The following LMTK2 variants were observed in gnomAD, a reference collection of about 807,000 sequenced individuals.
LMTK2 encodes lemur tail kinase 2.
LMTK2 carries 37 observed loss-of-function variants against 127.5 expected under a neutral mutation model. The ratio of observed to expected loss-of-function variants is 0.29; its 90% CI spans 0.22 to 0.38. LMTK2 has a LOEUF of 0.38. Among genes scored for constraint, LMTK2 ranks in the 10% least tolerant of loss-of-function variants. The pLI is 1.00. For synonymous variants in LMTK2, 819 were observed against 810.1 expected, an observed-to-expected ratio of 1.01 and a Z score of -0.19; for missense variants, 1,694 against 1,920.3, an observed-to-expected ratio of 0.88 and a Z score of 2.20.
chr7:98,159,221 AATT>A (rs145744071), intron 5 of LMTK2, 114 bp from the exon 6 acceptor site: 7,746 of 566,492 alleles, frequency 0.014, 91 homozygotes, highest in Admixed American at 0.019. Context: ...ATATTATATA[AATT>A]ATTATGAAAA....
chr7:98,119,858 A>G (rs1396645433), intron 1 of LMTK2, among the ~76,000 whole-genome samples: 3 of 152,244 alleles, frequency 2.0e-5, no homozygotes, highest in African/African-American at 7.2e-5. Context: ...CTAGGATAAT[A>G]TGTTGTTAGC....
intron 3 of LMTK2, among the ~76,000 whole-genome samples, chr7:98,142,144 T>A (rs1368761605): frequency 6.6e-6 from 1 of 152,212 alleles, no homozygotes; most frequent in Non-Finnish European, 1.5e-5. Context: ...TTAAAAAATA[T>A]TTTAAGCTTT....
At chr7:98,142,346 A>G (rs1796711128) in intron 3 of LMTK2, among the ~76,000 whole-genome samples, 1 of 152,172 alleles carries the variant, frequency 6.6e-6, no homozygotes, top group Admixed American at 6.5e-5. Context: ...GCCAGATGGA[A>G]CGTGACATAG....
At chr7:98,144,639 T>C (rs1212484026) in intron 3 of LMTK2, among the ~76,000 whole-genome samples, 1 of 152,122 alleles carries the variant, frequency 6.6e-6, no homozygotes, top group African/African-American at 2.4e-5. Flanking sequence ...ATTTTTTGTT[T>C]TTTAAAAGAC....
In LMTK2 at chr7:98,134,435, CAG is replaced by C. The variant is rs764783888; in HGVS notation, c.104-2879_104-2878del. On this transcript the variant is annotated intron_variant, in intron 1 of 13. Coordinates refer to ENST00000297293, the MANE Select transcript of LMTK2 (RefSeq NM_014916.4). Reference sequence around the variant, plus strand: ...GTCTTTAAAAACAATCAATAAAAAACAGTGTACGTGAAAGCGCTTTGCTTTCC... The same window carrying C: ...GTCTTTAAAAACAATCAATAAAAAACTGTACGTGAAAGCGCTTTGCTTTCC... 6.3e-4 allele frequency among the ~76,000 whole-genome samples: 96 copies of C among 152,256 alleles called. 1 individual carries two copies. The highest frequency in any genetic ancestry group is 1.2e-3 in the Admixed American group (19 of 15,286).
intron 1 of LMTK2, among the ~76,000 whole-genome samples, chr7:98,121,997 G>A (rs998129845): frequency 3.9e-5 from 6 of 152,172 alleles, no homozygotes; most frequent in East Asian, 1.9e-4. Context: ...TGTCGAGACC[G>A]TGTCTCGGGT....
At chr7:98,202,972 A>G (rs1431800842) in intron 11 of LMTK2, among the ~76,000 whole-genome samples, 2 of 152,166 alleles carry the variant, frequency 1.3e-5, no homozygotes, top group African/African-American at 2.4e-5. Context: ...GACAGAAGGG[A>G]AAAAAACTCA....
At position 98,193,280 on chromosome 7, in the gene LMTK2, C is replaced by T. The variant is rs774111938; in HGVS notation, c.2815C>T (p.Arg939Trp). 126 of 1,613,598 alleles carry T rather than the reference C, an allele frequency of 7.8e-5. No homozygotes were observed. The highest frequency in any genetic ancestry group is 9.3e-5 in the Non-Finnish European group (110 of 1,180,032). Reference protein sequence around the residue: ...PFSEDHHSHRRLEKNLEAVET... With the variant: ...PFSEDHHSHRWLEKNLEAVET... ...TTCGGAAGACCATCACAGTCATCGC[C>T]GGCTAGAGAAAAACTTAGAGGCTGT... The change falls in exon 11 of 14, where the codon CGG becomes TGG. Residue 939 changes from arginine (R) to tryptophan (W), a missense_variant. This residue lies in a region of LMTK2 where 527 missense variants were observed against 539.8 expected (regional missense o/e 0.98). Transcript: ENST00000297293. This position sits in a 1 kb window ranked among gnomAD's most constrained non-coding sequence, Gnocchi z 4.1.
chr7:98,164,103 T>TA (rs1462213003), intron 6 of LMTK2, among the ~76,000 whole-genome samples: 2 of 152,242 alleles, frequency 1.3e-5, no homozygotes, highest in Non-Finnish European at 2.9e-5. Context: ...ATGGAATTTT[T>TA]ATGAAAGTAA....
intron 6 of LMTK2, among the ~76,000 whole-genome samples, chr7:98,166,152 C>A (rs943262317): frequency 6.6e-6 from 1 of 152,246 alleles, no homozygotes; most frequent in Non-Finnish European, 1.5e-5. Flanking sequence ...GCCTGCTCTC[C>A]CTCCCCTGCA....
At chr7:98,136,932 T>C (rs1024927251) in intron 1 of LMTK2, among the ~76,000 whole-genome samples, 4 of 152,150 alleles carry the variant, frequency 2.6e-5, no homozygotes, top group African/African-American at 9.7e-5. Context: ...GTAGTTTGGA[T>C]TGAGTCTGAA....
At chr7:98,165,930 A>ACAAC in intron 6 of LMTK2, among the ~76,000 whole-genome samples, 1 of 152,218 alleles carries the variant, frequency 6.6e-6, no homozygotes, top group African/African-American at 2.4e-5. Flanking sequence ...CCTGTGCTGG[A>ACAAC]CAACCGCATG....
chr7:98,149,555 A>G (rs999655799), intron 3 of LMTK2, among the ~76,000 whole-genome samples: 1 of 152,262 alleles, frequency 6.6e-6, no homozygotes, highest in African/African-American at 2.4e-5. Context: ...TGCCGGAACA[A>G]CTGGATATTC....
chr7:98,144,442 A>G (rs1796741178), intron 3 of LMTK2, among the ~76,000 whole-genome samples: 2 of 151,652 alleles, frequency 1.3e-5, no homozygotes, highest in Non-Finnish European at 1.5e-5. Context: ...CAAAAAAAAA[A>G]AAAGAAAGAA....
chr7:98,119,237 A>G (rs1241317322), intron 1 of LMTK2, among the ~76,000 whole-genome samples: 1 of 152,214 alleles, frequency 6.6e-6, no homozygotes, highest in Middle Eastern at 3.2e-3. Context: ...CACAACACAC[A>G]TATTTCATCT....
chr7:98,106,972 G>A lies in LMTK2; in HGVS notation c.-206G>A, dbSNP rs1796115014. 3 of 461,852 alleles carry A rather than the reference G, an allele frequency of 6.5e-6. No homozygotes were observed. Among genetic ancestry groups the A allele is most frequent in the Non-Finnish European group, 1.1e-5 (3 of 261,452 alleles). The allele number at this position is 461,852 out of a possible 1,614,324, so 28.6% of individuals were successfully genotyped here. ...AGAGGCGGCGGCGGCGGCGCAGGCG[G>A]GCGGGAAGGATGGTGTTTCTGCGAC... On this transcript the variant is annotated 5_prime_UTR_variant, in exon 1 of 14. Coordinates refer to ENST00000297293, the MANE Select transcript of LMTK2 (RefSeq NM_014916.4).
At position 98,192,568 on chromosome 7, in the gene LMTK2, A is replaced by G. The variant is rs753096959; in HGVS notation, c.2103A>G (p.Leu701=). The G allele has an allele frequency of 2.5e-6, 4 of 1,613,298 alleles. No homozygotes were observed. Among genetic ancestry groups the G allele is most frequent in the South Asian group, 1.1e-5 (1 of 90,800 alleles). Residue 701 remains leucine, a synonymous_variant, in exon 11 of 14, where the codon CTA becomes CTG. Coordinates refer to ENST00000297293, the MANE Select transcript of LMTK2 (RefSeq NM_014916.4). Reference sequence around the variant, plus strand: ...TTTTTGACAGTGAGCCTCTCTGCCTATCAGATAATCTTATGCACCAAGATA... The same window carrying G: ...TTTTTGACAGTGAGCCTCTCTGCCTGTCAGATAATCTTATGCACCAAGATA... The part of the protein sequence containing the change: ...RKIFDSEPLC[L]SDNLMHQDNF...
rs1797551826 is a variant in LMTK2, at chr7:98,192,780, A to G, written c.2315A>G (p.Gln772Arg). 3.1e-6 allele frequency: 5 copies of G among 1,613,904 alleles called. No individual in the cohort carries two copies. Among genetic ancestry groups the G allele is most frequent in the Non-Finnish European group, 3.4e-6 (4 of 1,179,836 alleles). ...AGAAACTCTTTAGATACTGAGCTTCAGTTTGCTGAAAATAAGCCAGGCTTG... is the reference window on the plus strand; with the variant it reads ...AGAAACTCTTTAGATACTGAGCTTCGGTTTGCTGAAAATAAGCCAGGCTTG... The part of the protein sequence containing the change: ...SCRNSLDTEL[Q>R]FAENKPGLSL... Residue 772 changes from glutamine to arginine, a missense_variant, in exon 11 of 14, where the codon CAG becomes CGG. Gln to Arg is a conservative substitution (Grantham distance 43). This residue lies in a region of LMTK2 where 527 missense variants were observed against 539.8 expected (regional missense o/e 0.98). Coordinates refer to ENST00000297293, the MANE Select transcript of LMTK2 (RefSeq NM_014916.4).
At chr7:98,201,599 G>GTTT (rs1554395689) in intron 11 of LMTK2, among the ~76,000 whole-genome samples, 4 of 149,692 alleles carry the variant, frequency 2.7e-5, no homozygotes, top group Non-Finnish European at 4.5e-5. Context: ...CTTCGTGTGT[G>GTTT]TGTTTTGTTT....
Sources: allele counts gnomAD v4.1 joint callset (sites outside exome capture counted in the v4.1 genomes callset), GRCh38; gene constraint gnomAD v4.1.1; regional missense constraint gnomAD v4.1.1; non-coding constraint Gnocchi (gnomAD v3.1); transcripts MANE v1.5; gene names NCBI Gene and HGNC (gene_info 2026-07-23, HGNC 2026-07-21).